The following SLC14A2 variants were observed in gnomAD, a reference collection of about 807,000 sequenced individuals.
SLC14A2 encodes the protein urea transporter 2.
SLC14A2 carries 91 observed loss-of-function variants against 104.6 expected under a neutral mutation model. The observed-to-expected ratio is 0.87, with a 90% CI of 0.73 to 1.04. The LOEUF is 1.04. Ranked by LOEUF, SLC14A2 falls within the 50% of genes least tolerant of loss-of-function variation. SLC14A2 has a pLI of 0.00. For missense variants in SLC14A2, 1,189 were observed against 1,156.0 expected, an observed-to-expected ratio of 1.03 and a Z score of -0.41; for synonymous variants, 476 against 466.4, an observed-to-expected ratio of 1.02 and a Z score of -0.27.
chr18:45,627,892 C>T (rs890222188), intron 4 of SLC14A2, among the ~76,000 whole-genome samples: 1 of 151,576 alleles, frequency 6.6e-6, no homozygotes, highest in Non-Finnish European at 1.5e-5. Context: ...TGCCTGTAAT[C>T]CCAGCTACTC....
chr18:45,624,372 A>C (rs2045225057), intron 1 of SLC14A2, among the ~76,000 whole-genome samples: 1 of 152,204 alleles, frequency 6.6e-6, no homozygotes, highest in Admixed American at 6.5e-5. Context: ...TCAAGAGAAA[A>C]AGAGAGACTT....
chr18:45,487,657 G>A (rs972486696), intron 2 of SLC14A2, among the ~76,000 whole-genome samples: 1 of 152,154 alleles, frequency 6.6e-6, no homozygotes, highest in Non-Finnish European at 1.5e-5. Context: ...ATCAGCCACT[G>A]CAGAGGAGTG....
At chr18:45,311,072 T>G (rs1315385414) in intron 1 of SLC14A2, among the ~76,000 whole-genome samples, 1 of 152,202 alleles carries the variant, frequency 6.6e-6, no homozygotes, top group Non-Finnish European at 1.5e-5. Context: ...CAATTCTTGC[T>G]TCGGGCTTGG....
intron 1 of SLC14A2, among the ~76,000 whole-genome samples, chr18:45,480,734 G>A (rs192695236): frequency 6.6e-6 from 1 of 152,162 alleles, no homozygotes; most frequent in Non-Finnish European, 1.5e-5. Context: ...GAGGCACCAA[G>A]CATCTTGGAT....
At chr18:45,400,766 T>G (rs1598758927) in intron 1 of SLC14A2, among the ~76,000 whole-genome samples, 1 of 152,232 alleles carries the variant, frequency 6.6e-6, no homozygotes, top group Non-Finnish European at 1.5e-5. Context: ...TTTCTCCCCA[T>G]GTTTTTAATT....
At chr18:45,169,106 G>T in the SLC14A2 span, 1 of 152,116 alleles carries the variant, frequency 6.6e-6, no homozygotes, top group Non-Finnish European at 1.5e-5. Context: ...TGAGAGATTA[G>T]CCATGTGTGG....
Position 45,615,836 on chromosome 18 carries a change from TGAGAGAGAGAGA to T in SLC14A2, c.-35+266_-35+277del, listed in dbSNP as rs779783446. ...GGGTGTATGTGTGTGTGTGTGTGTG[TGAGAGAGAGAGA>T]GAGAGAGAGAGGGAGAGAGAGAGAC... On this transcript the variant is annotated intron_variant, in intron 1 of 19. Coordinates refer to ENST00000255226, the MANE Select transcript of SLC14A2 (RefSeq NM_007163.4). Among the ~76,000 whole-genome samples, 342 of 148,660 alleles carry T rather than the reference TGAGAGAGAGAGA, an allele frequency of 2.3e-3. 2 individuals carry two copies. The highest frequency in any genetic ancestry group is 7.7e-3 in the African/African-American group (308 of 39,768).
At chr18:45,260,161 C>T (rs1377326930) in intron 1 of SLC14A2, among the ~76,000 whole-genome samples, 1 of 152,142 alleles carries the variant, frequency 6.6e-6, no homozygotes, top group African/African-American at 2.4e-5. Context: ...GCTTTAGGAC[C>T]TTATGAATCA....
intron 1 of SLC14A2, among the ~76,000 whole-genome samples, chr18:45,349,371 A>G (rs1421099749): frequency 1.3e-5 from 2 of 152,216 alleles, no homozygotes; most frequent in Non-Finnish European, 2.9e-5. Context: ...GCTGGGGCCC[A>G]TTGATCATGT....
At chr18:45,561,820 T>C (rs1322147638) in intron 2 of SLC14A2, among the ~76,000 whole-genome samples, 1 of 152,238 alleles carries the variant, frequency 6.6e-6, no homozygotes, top group Non-Finnish European at 1.5e-5. Flanking sequence ...TGAATTTACA[T>C]AATTGTATCT....
chr18:45,515,312 T>C (rs2043423076), intron 2 of SLC14A2: 2 of 152,188 alleles, frequency 1.3e-5, no homozygotes, highest in South Asian at 4.1e-4. Context: ...GGAGCAATGA[T>C]TATAGAGAGT....
chr18:45,623,897 T>C (rs925043927), intron 1 of SLC14A2, among the ~76,000 whole-genome samples: 1 of 152,028 alleles, frequency 6.6e-6, no homozygotes, highest in Admixed American at 6.5e-5. Flanking sequence ...AGAGAAGAAA[T>C]GCACAAATGG....
intron 1 of SLC14A2, among the ~76,000 whole-genome samples, chr18:45,306,995 G>A (rs936290827): frequency 1.3e-5 from 2 of 152,096 alleles, no homozygotes; most frequent in African/African-American, 2.4e-5. Context: ...CATGGCTCAC[G>A]ATCTGCAGTG....
intron 1 of SLC14A2, among the ~76,000 whole-genome samples, chr18:45,617,954 G>C (rs1164226597): frequency 6.6e-6 from 1 of 152,160 alleles, no homozygotes. Flanking sequence ...AAAAATGAAG[G>C]CTTAGGATCA....
chr18:45,242,251 C>G (rs547333443), intron 1 of SLC14A2, among the ~76,000 whole-genome samples: 1 of 152,118 alleles, frequency 6.6e-6, no homozygotes, highest in Non-Finnish European at 1.5e-5. Flanking sequence ...GCTGGGCACT[C>G]TCTTTATGGC....
intron 1 of SLC14A2, among the ~76,000 whole-genome samples, chr18:45,298,386 T>C (rs1313173145): frequency 6.6e-6 from 1 of 152,200 alleles, no homozygotes; most frequent in Non-Finnish European, 1.5e-5. Context: ...GATATAACCA[T>C]GTAGCATGCA....
chr18:45,320,183 T>A (rs1196523063), intron 1 of SLC14A2, among the ~76,000 whole-genome samples: 2 of 152,226 alleles, frequency 1.3e-5, no homozygotes, highest in Admixed American at 1.3e-4. Flanking sequence ...ATGTGCTTTA[T>A]CTCTTGTTTC....
chr18:45,382,838 G>A (rs890020696), intron 1 of SLC14A2, among the ~76,000 whole-genome samples: 4 of 152,214 alleles, frequency 2.6e-5, no homozygotes, highest in African/African-American at 9.7e-5. Context: ...CCATTCATGG[G>A]CAGTATATGG....
At chr18:45,170,583 T>C in the SLC14A2 span, among the ~76,000 whole-genome samples, 1 of 152,194 alleles carries the variant, frequency 6.6e-6, no homozygotes, top group African/African-American at 2.4e-5. Context: ...TAGGTTAAAG[T>C]GTAGCTAGGA....
Sources: allele counts gnomAD v4.1 joint callset (sites outside exome capture counted in the v4.1 genomes callset), GRCh38; gene constraint gnomAD v4.1.1; transcripts MANE v1.5; gene names NCBI Gene and HGNC (gene_info 2026-07-23, HGNC 2026-07-21).